Variants in GHR observed in about 807,000 individuals in gnomAD.
GHR encodes growth hormone receptor.
Under a neutral mutation model 67.1 loss-of-function variants are expected in GHR, and 35 were observed. The observed-to-expected ratio is 0.52, with a 90% CI of 0.40 to 0.69. The LOEUF is 0.69. Among genes scored for constraint, GHR ranks in the 30% least tolerant of loss-of-function variants. The pLI is 0.00. For synonymous variants in GHR, 272 were observed against 269.1 expected, an observed-to-expected ratio of 1.01 and a Z score of -0.10; for missense variants, 792 against 764.6, an observed-to-expected ratio of 1.04 and a Z score of -0.42.
chr5:42,650,722 T>G (rs370615757), intron 3 of GHR, among the ~76,000 whole-genome samples: 7 of 151,970 alleles, frequency 4.6e-5, no homozygotes, highest in African/African-American at 1.7e-4. Context: ...AAAGATAACA[T>G]ATAGCAAATG....
rs573422886 is a variant in GHR at position 42,423,607 on chromosome 5, C to T, written c.-360C>T. Among the ~76,000 whole-genome samples, 1 of 152,182 alleles carries T rather than the reference C, an allele frequency of 6.6e-6. No homozygotes were observed. The highest frequency in any genetic ancestry group is 1.9e-4 in the East Asian group (1 of 5,188). On this transcript the variant is annotated 5_prime_UTR_variant, in exon 1 of 10. Transcript: ENST00000230882. ...TCTGCAACCTGGATCTGGGGGACTG[C>T]GGGCCAGGCGCGGCGTGACCCCTGG... is the stretch of plus-strand genomic sequence containing the variant.
chr5:42,488,116 T>C (rs2112181075), intron 1 of GHR, among the ~76,000 whole-genome samples: 1 of 152,340 alleles, frequency 6.6e-6, no homozygotes, highest in African/African-American at 2.4e-5. Flanking sequence ...GTTAGCCTGG[T>C]TTTGTTTGGT....
intron 1 of GHR, among the ~76,000 whole-genome samples, chr5:42,561,978 A>C (rs908607373): frequency 6.6e-6 from 1 of 152,162 alleles, no homozygotes; most frequent in African/African-American, 2.4e-5. Context: ...GGTACATGTA[A>C]TAAGTTTAGG....
intron 1 of GHR, chr5:42,467,183 G>A: frequency 6.3e-7 from 1 of 1,593,112 alleles, no homozygotes; most frequent in Non-Finnish European, 8.6e-7. Context: ...AGGCAAGAGA[G>A]CTGACTGAAG....
At chr5:42,595,826 GGAGT>G (rs1752038220) in intron 2 of GHR, among the ~76,000 whole-genome samples, 1 of 152,198 alleles carries the variant, frequency 6.6e-6, no homozygotes, top group Non-Finnish European at 1.5e-5. Context: ...ATGCAGCTGT[GGAGT>G]GAGTGAGTGA....
At chr5:42,665,742 A>G (rs1283814356) in intron 3 of GHR, among the ~76,000 whole-genome samples, 1 of 150,294 alleles carries the variant, frequency 6.7e-6, no homozygotes, top group Admixed American at 6.7e-5. Context: ...AACTTAAAGT[A>G]TAATAATAAT....
At chr5:42,584,965 C>T (rs1751399933) in intron 2 of GHR, among the ~76,000 whole-genome samples, 1 of 152,132 alleles carries the variant, frequency 6.6e-6, no homozygotes, top group Admixed American at 6.5e-5. Context: ...ATCTGGATTC[C>T]AGTTCCCTGT....
chr5:42,647,771 C>A, intron 3 of GHR: 1 of 413,450 alleles, frequency 2.4e-6, no homozygotes, highest in South Asian at 1.8e-5. Context: ...TTTTTCCACT[C>A]TTTGCTCTTG....
At chr5:42,715,961 T>C (rs1758699562) in intron 8 of GHR, among the ~76,000 whole-genome samples, 1 of 152,148 alleles carries the variant, frequency 6.6e-6, no homozygotes, top group African/African-American at 2.4e-5. Flanking sequence ...CTCTTAGATT[T>C]ATGCTCTGCC....
At chr5:42,550,159 G>A in intron 1 of GHR, 1 of 753,872 alleles carries the variant, frequency 1.3e-6, no homozygotes, top group Non-Finnish European at 1.6e-6. Flanking sequence ...CTTGAAAATA[G>A]TGGCAGGCTG....
chr5:42,583,410 A>G (rs989809989), intron 2 of GHR, among the ~76,000 whole-genome samples: 2 of 152,210 alleles, frequency 1.3e-5, no homozygotes, highest in Admixed American at 6.5e-5. Context: ...ATTGCCAAAC[A>G]TCGGCATTAA....
intron 2 of GHR, among the ~76,000 whole-genome samples, chr5:42,591,196 G>A (rs556712361): frequency 6.6e-6 from 1 of 152,334 alleles, no homozygotes; most frequent in East Asian, 1.9e-4. Flanking sequence ...ATTGTCAAGG[G>A]TTGTCTGTAG....
Position 42,681,868 on chromosome 5 carries a change from G to A in GHR, c.137-7022G>A, listed in dbSNP as rs1468622723. Among the ~76,000 whole-genome samples the A allele has an allele frequency of 1.5e-4, 22 of 150,172 alleles. 1 individual carries two copies. The highest frequency in any genetic ancestry group is 3.9e-4 in the East Asian group (2 of 5,108). On this transcript the variant is annotated intron_variant, in intron 3 of 9. Coordinates refer to ENST00000230882, the MANE Select transcript of GHR (RefSeq NM_000163.5). Reference sequence around the variant, plus strand: ...GGAGAATGGCATGAACCCGGGAGGCGGAGCTTGCAGTGAGCCGAGATAGCG... The same window carrying A: ...GGAGAATGGCATGAACCCGGGAGGCAGAGCTTGCAGTGAGCCGAGATAGCG...
At chr5:42,567,158 T>C (rs1308194153) in intron 2 of GHR, among the ~76,000 whole-genome samples, 1 of 152,234 alleles carries the variant, frequency 6.6e-6, no homozygotes, top group Non-Finnish European at 1.5e-5. Context: ...GATCCTCTGC[T>C]GTTCCAAAGT....
At chr5:42,636,463 G>C (rs1216170967) in intron 3 of GHR, among the ~76,000 whole-genome samples, 3 of 152,096 alleles carry the variant, frequency 2.0e-5, no homozygotes, top group Non-Finnish European at 4.4e-5. Context: ...TGACCTTTTT[G>C]GTTGTGACCT....
At chr5:42,590,052 T>C (rs1278968153) in intron 2 of GHR, among the ~76,000 whole-genome samples, 1 of 152,166 alleles carries the variant, frequency 6.6e-6, no homozygotes, top group Non-Finnish European at 1.5e-5. Flanking sequence ...TAAATGCTTA[T>C]TGGGAGCATG....
chr5:42,552,323 C>CT, intron 1 of GHR, among the ~76,000 whole-genome samples: 1 of 152,242 alleles, frequency 6.6e-6, no homozygotes, highest in East Asian at 1.9e-4. Flanking sequence ...ATACATGCTC[C>CT]TTTTCCGTAT....
At chr5:42,455,791 C>T (rs1203864191) in intron 1 of GHR, among the ~76,000 whole-genome samples, 1 of 152,182 alleles carries the variant, frequency 6.6e-6, no homozygotes, top group Non-Finnish European at 1.5e-5. Context: ...TATTGAAGCC[C>T]AAACTCTGGT....
intron 1 of GHR, among the ~76,000 whole-genome samples, chr5:42,508,757 G>A (rs549950674): frequency 4.6e-5 from 7 of 152,060 alleles, no homozygotes; most frequent in African/African-American, 1.7e-4. Flanking sequence ...GTATTTTTTA[G>A]TAGAGACGGG....
Sources: allele counts gnomAD v4.1 joint callset (sites outside exome capture counted in the v4.1 genomes callset), GRCh38; gene constraint gnomAD v4.1.1; transcripts MANE v1.5; gene names NCBI Gene and HGNC (gene_info 2026-07-23, HGNC 2026-07-21).